The following PIK3C2G variants were observed in gnomAD, a reference collection of about 807,000 sequenced individuals.
PIK3C2G encodes phosphatidylinositol 3-kinase C2 domain-containing subunit gamma.
Under a neutral mutation model 181.1 loss-of-function variants are expected in PIK3C2G, and 168 were observed. The observed-to-expected ratio is 0.93, with a 90% CI of 0.82 to 1.05. PIK3C2G has a LOEUF of 1.05. Ranked by LOEUF, PIK3C2G falls within the 50% of genes least tolerant of loss-of-function variation. PIK3C2G has a pLI of 0.00. For missense variants in PIK3C2G, 1,869 were observed against 1,732.8 expected (o/e 1.08, Z -1.40); for synonymous variants, 573 against 592.2 (o/e 0.97, Z 0.47).
At chr12:18,285,334 G>T (rs935823712) in intron 2 of PIK3C2G, 1 of 152,082 alleles carries the variant, frequency 6.6e-6, no homozygotes, top group Non-Finnish European at 1.5e-5. Context: ...AAATTAGTCA[G>T]CTAGCAGGCA....
intron 22 of PIK3C2G, among the ~76,000 whole-genome samples, chr12:18,499,418 A>G (rs1941253009): frequency 6.6e-6 from 1 of 152,246 alleles, no homozygotes; most frequent in Admixed American, 6.5e-5. Flanking sequence ...AGCTAAATAG[A>G]GTTGTGCCCT....
intron 30 of PIK3C2G, among the ~76,000 whole-genome samples, chr12:18,598,523 T>C (rs1381810122): frequency 6.6e-6 from 1 of 151,834 alleles, no homozygotes; most frequent in Admixed American, 6.6e-5. Context: ...GACTTAAACG[T>C]TAGACCTAAA....
chr12:18,698,077 G>C, the PIK3C2G span, among the ~76,000 whole-genome samples: 3 of 151,896 alleles, frequency 2.0e-5, no homozygotes, highest in Non-Finnish European at 4.4e-5. Context: ...ATGAGGACCT[G>C]TCCTCATGAA....
chr12:18,593,669 A>G (rs1947203941), intron 29 of PIK3C2G, among the ~76,000 whole-genome samples: 1 of 151,908 alleles, frequency 6.6e-6, no homozygotes. Flanking sequence ...AACAAAATGT[A>G]TGCCAGTTTT....
chr12:18,683,697 G>T, the PIK3C2G span: 1 of 1,148,394 alleles, frequency 8.7e-7, no homozygotes, highest in South Asian at 1.3e-5. Context: ...CCCTGGAAAG[G>T]TGACTCTGCA....
chr12:18,497,827 C>G (rs1395635919), intron 22 of PIK3C2G, 79 bp downstream of exon 22: 1 of 1,105,262 alleles, frequency 9.0e-7, no homozygotes, highest in Admixed American at 3.1e-5. Context: ...GAAACTTTCT[C>G]CAGCTTTCGT....
chr12:18,563,390 A>C lies in PIK3C2G; in HGVS notation c.3794A>C (p.Gln1265Pro). The C allele has an allele frequency of 1.2e-6, 2 of 1,612,188 alleles. No homozygotes were observed. The highest frequency in any genetic ancestry group is 1.7e-6 in the Non-Finnish European group (2 of 1,178,892). The change falls in exon 28 of 33, where the codon CAG becomes CCG. Residue 1265 changes from glutamine (Q) to proline (P), a missense_variant. Physicochemically the swap from Gln to Pro is moderately conservative, Grantham distance 76. Coordinates refer to ENST00000538779, the MANE Select transcript of PIK3C2G (RefSeq NM_001288772.2). The part of the protein sequence containing the change: ...SKKSSNLYLI[Q>P]VTHSNNETSL... ...TACTTTCTGCAGCTGTATCTGATCC[A>C]GGTGACACACAGCAACAACGAAACA...
At chr12:18,303,339 T>C (rs190372414) in intron 5 of PIK3C2G, among the ~76,000 whole-genome samples, 3 of 133,254 alleles carry the variant, frequency 2.3e-5, no homozygotes, top group Non-Finnish European at 5.4e-5. Flanking sequence ...CTCTCTCTCT[T>C]TCTTTCTTTC....
chr12:18,360,620 G>A (rs964963204), intron 11 of PIK3C2G, among the ~76,000 whole-genome samples: 2 of 152,084 alleles, frequency 1.3e-5, no homozygotes, highest in African/African-American at 4.8e-5. Context: ...CATTTTTGAA[G>A]GATGATTTTA....
At chr12:18,572,675 A>G (rs985388794) in intron 29 of PIK3C2G, among the ~76,000 whole-genome samples, 3 of 151,858 alleles carry the variant, frequency 2.0e-5, no homozygotes, top group African/African-American at 7.2e-5. Flanking sequence ...TATTGCTTGT[A>G]CCATTTCTTC....
intron 14 of PIK3C2G, among the ~76,000 whole-genome samples, chr12:18,382,841 T>G (rs149136038): frequency 6.6e-6 from 1 of 152,098 alleles, no homozygotes; most frequent in African/African-American, 2.4e-5. Flanking sequence ...AGGCTTGTGG[T>G]GAGGGGTTTG....
chr12:18,710,693 G>C, the PIK3C2G span, among the ~76,000 whole-genome samples: 1 of 152,102 alleles, frequency 6.6e-6, no homozygotes, highest in Non-Finnish European at 1.5e-5. Context: ...CAGTAAAAAT[G>C]GGCAGAGATA....
At chr12:18,652,933 C>CAG (rs1369632207), downstream of PIK3C2G, among the ~76,000 whole-genome samples, 2 of 150,314 alleles carry the variant, frequency 1.3e-5, no homozygotes, top group South Asian at 2.1e-4. Context: ...CTGTCTCACA[C>CAG]AGAGAGAGAG....
At chr12:18,307,066 T>C (rs949044051) in intron 5 of PIK3C2G, among the ~76,000 whole-genome samples, 1 of 149,496 alleles carries the variant, frequency 6.7e-6, no homozygotes, top group African/African-American at 2.5e-5. Context: ...ATAGTTTGAA[T>C]GTTATCTAGG....
Position 18,391,254 on chromosome 12 carries a change from T to TATAC in PIK3C2G, c.2126+3_2126+4insTACA, listed in dbSNP as rs765535217. 3 of 1,564,904 alleles carry TATAC rather than the reference T, an allele frequency of 1.9e-6. No homozygotes were observed. Among genetic ancestry groups the TATAC allele is most frequent in the Non-Finnish European group, 2.6e-6 (3 of 1,158,392 alleles). On this transcript the variant is annotated splice_region_variant and intron_variant, in intron 15 of 32. Coordinates refer to ENST00000538779, the MANE Select transcript of PIK3C2G (RefSeq NM_001288772.2). ...TTCACAGAAACAGACTCCCCTACTG[T>TATAC]AAGTGACCTAGGTCTTGTGAATGAA...
the PIK3C2G span, among the ~76,000 whole-genome samples, chr12:18,674,136 A>G: frequency 3.9e-5 from 6 of 152,346 alleles, no homozygotes; most frequent in African/African-American, 1.4e-4. Flanking sequence ...TAGAGGGAAA[A>G]GCATATAGAA....
intron 10 of PIK3C2G, among the ~76,000 whole-genome samples, chr12:18,344,360 C>A (rs1939448751): frequency 6.6e-6 from 1 of 152,040 alleles, no homozygotes; most frequent in Non-Finnish European, 1.5e-5. Context: ...TTGAGGAACT[C>A]CCCCGTCTCA....
intron 24 of PIK3C2G, among the ~76,000 whole-genome samples, chr12:18,515,612 TCTTA>T (rs1428333599): frequency 1.3e-5 from 2 of 152,012 alleles, no homozygotes; most frequent in Non-Finnish European, 2.9e-5. Context: ...GCTCTTTTTT[TCTTA>T]GTCTAGCTAA....
chr12:18,715,467 T>A, the PIK3C2G span, among the ~76,000 whole-genome samples: 1 of 151,646 alleles, frequency 6.6e-6, no homozygotes, highest in Non-Finnish European at 1.5e-5. Context: ...AGTGGCGCGA[T>A]CTCGGCTCAC....
Sources: gnomAD v4.1 joint callset for allele counts (sites outside exome capture counted in the v4.1 genomes callset) on GRCh38, gnomAD v4.1.1 for gene constraint, MANE v1.5 for transcripts, NCBI Gene and HGNC (gene_info 2026-07-23, HGNC 2026-07-21) for gene names.